DLGAP1: variants seen among roughly 807,000 people sequenced by gnomAD.
DLGAP1 encodes the protein disks large-associated protein 1.
DLGAP1 carries 11 observed loss-of-function variants against 90.8 expected under a neutral mutation model. That is an observed-to-expected ratio of 0.12 (90% CI 0.08 to 0.20). The LOEUF (loss-of-function observed/expected upper bound fraction) is 0.20. DLGAP1 is among the 10% of genes least tolerant of loss of function. The pLI is 1.00. For missense variants in DLGAP1, 1,050 were observed against 1,333.8 expected, an observed-to-expected ratio of 0.79 and a Z score of 3.31; for synonymous variants, 558 against 540.7, an observed-to-expected ratio of 1.03 and a Z score of -0.44.
Position 4,227,252 on chromosome 18 carries a change from T to C in DLGAP1, c.-266-75965A>G, listed in dbSNP as rs541518713. On this transcript the variant is annotated intron_variant, in intron 1 of 12. Transcript: ENST00000315677. The stretch of plus-strand genomic sequence containing the variant: ...AGAGAGGTAGACCCCTATACATTAA[T>C]AGAAGAAGACTTTAGCACCCCACTT... Among the ~76,000 whole-genome samples, 54 of 152,146 alleles carry C rather than the reference T, an allele frequency of 3.5e-4. 1 individual carries two copies. Among genetic ancestry groups the C allele is most frequent in the Admixed American group, 2.9e-3 (45 of 15,270 alleles).
chr18:3,636,234 T>G (rs1299166897), intron 7 of DLGAP1, among the ~76,000 whole-genome samples: 1 of 151,378 alleles, frequency 6.6e-6, no homozygotes, highest in Non-Finnish European at 1.5e-5. Flanking sequence ...CTAGGTTATC[T>G]GCTTTGTCCT....
At chr18:3,797,897 A>G (rs1047821658) in intron 5 of DLGAP1, among the ~76,000 whole-genome samples, 1 of 152,180 alleles carries the variant, frequency 6.6e-6, no homozygotes, top group East Asian at 1.9e-4. Flanking sequence ...TAATTGAATC[A>G]TGAGGGCAGG....
At chr18:4,120,014 G>C (rs1390426489) in intron 2 of DLGAP1, among the ~76,000 whole-genome samples, 1 of 152,152 alleles carries the variant, frequency 6.6e-6, no homozygotes, top group Non-Finnish European at 1.5e-5. Context: ...GAGGGGGCTG[G>C]CTGAATTAAT....
chr18:4,357,534 G>A (rs1447701612), intron 1 of DLGAP1, among the ~76,000 whole-genome samples: 14 of 152,180 alleles, frequency 9.2e-5, no homozygotes. Context: ...GAACACAGAA[G>A]ATAAGTCAAT....
intron 1 of DLGAP1, among the ~76,000 whole-genome samples, chr18:4,262,152 C>T (rs1202663107): frequency 6.6e-6 from 1 of 152,144 alleles, no homozygotes; most frequent in African/African-American, 2.4e-5. Flanking sequence ...CATCCATAGC[C>T]ATGTAGTTCT....
intron 1 of DLGAP1, among the ~76,000 whole-genome samples, chr18:4,413,264 T>C (rs762686483): frequency 6.6e-6 from 1 of 152,104 alleles, no homozygotes; most frequent in Non-Finnish European, 1.5e-5. Context: ...TAGGGATTCA[T>C]TCCACTCCCT....
intron 3 of DLGAP1, among the ~76,000 whole-genome samples, chr18:3,959,588 C>T (rs553582208): frequency 4.3e-4 from 66 of 151,866 alleles, no homozygotes; most frequent in African/African-American, 1.5e-3. Context: ...CGCTTGAACC[C>T]GGGAGGTGGA....
chr18:3,504,900 G>A (rs1193986582), intron 11 of DLGAP1, among the ~76,000 whole-genome samples: 2 of 152,192 alleles, frequency 1.3e-5, no homozygotes, highest in Non-Finnish European at 2.9e-5. Flanking sequence ...GGAGACCAGA[G>A]GTGGGTGCTG....
intron 2 of DLGAP1, among the ~76,000 whole-genome samples, chr18:4,122,198 A>T (rs998854774): frequency 6.6e-6 from 1 of 152,196 alleles, no homozygotes; most frequent in Non-Finnish European, 1.5e-5. Context: ...CTTTGCTTTC[A>T]GTGTATTTAT....
rs576788712 is a variant in DLGAP1 at position 3,803,335 on chromosome 18, C to T, written c.1172+10724G>A. On this transcript the variant is annotated intron_variant, in intron 5 of 12. Coordinates refer to ENST00000315677, the MANE Select transcript of DLGAP1 (RefSeq NM_004746.4). ...TTTCTTCACTGAGTGGAGAAGGCGACGACAATGGAAAGTGCTCCCAGCTTG... is the reference window on the plus strand; with the variant it reads ...TTTCTTCACTGAGTGGAGAAGGCGATGACAATGGAAAGTGCTCCCAGCTTG... 7.9e-4 allele frequency among the ~76,000 whole-genome samples: 121 copies of T among 152,238 alleles called. 1 individual carries two copies. Among genetic ancestry groups the T allele is most frequent in the African/African-American group, 2.8e-3 (118 of 41,550 alleles).
intron 1 of DLGAP1, among the ~76,000 whole-genome samples, chr18:4,321,467 C>T (rs1046540382): frequency 2.6e-5 from 4 of 152,200 alleles, no homozygotes; most frequent in African/African-American, 9.6e-5. Flanking sequence ...ACCAGAGTGG[C>T]TTCACATAGT....
At chr18:4,093,032 C>T (rs1302590213) in intron 2 of DLGAP1, among the ~76,000 whole-genome samples, 4 of 152,194 alleles carry the variant, frequency 2.6e-5, no homozygotes, top group South Asian at 4.1e-4. Flanking sequence ...TACTTGTTTA[C>T]GTGTGACCTC....
At position 4,114,056 on chromosome 18, in the gene DLGAP1, C is replaced by CT. The variant is rs58180172; in HGVS notation, c.-159+37123dup. On this transcript the variant is annotated intron_variant, in intron 2 of 12. Coordinates refer to ENST00000315677, the MANE Select transcript of DLGAP1 (RefSeq NM_004746.4). ...AAGTTGAGTAATGTGATGCCTCTGG[C>CT]TTTTTTTTTTTTTTTTTTTTGGTTT... Among the ~76,000 whole-genome samples, 657 of 106,716 alleles carry CT rather than the reference C, an allele frequency of 6.2e-3. 1 individual carries two copies. Among genetic ancestry groups the CT allele is most frequent in the East Asian group, 0.01 (35 of 3,334 alleles). The allele number at this position is 106,716 out of a possible 152,430, so 70.0% of individuals were successfully genotyped here. A position where few individuals can be genotyped will look rare whatever the true frequency, so the allele number is the denominator to read the frequency against.
intron 7 of DLGAP1, among the ~76,000 whole-genome samples, chr18:3,608,666 C>G (rs999046817): frequency 2.6e-5 from 4 of 152,154 alleles, no homozygotes; most frequent in Non-Finnish European, 4.4e-5. Context: ...AGGGAATGCT[C>G]TGACCTATCT....
chr18:3,765,126 TTTTC>T (rs1335316134), intron 5 of DLGAP1, among the ~76,000 whole-genome samples: 2,362 of 133,980 alleles, frequency 0.018, 298 homozygotes, highest in East Asian at 0.15. Context: ...ACTTTTTTTT[TTTTC>T]TTTTTTTTTT....
At chr18:4,199,935 T>G (rs533991698) in intron 1 of DLGAP1, among the ~76,000 whole-genome samples, 1 of 152,224 alleles carries the variant, frequency 6.6e-6, no homozygotes, top group East Asian at 1.9e-4. Context: ...CATTTCAATG[T>G]ATTTTTCACT....
chr18:4,009,887 GGAGAA>G (rs910418740), intron 2 of DLGAP1, among the ~76,000 whole-genome samples: 6 of 152,182 alleles, frequency 3.9e-5, no homozygotes, highest in Admixed American at 2.0e-4. Flanking sequence ...GGGAGGTAGA[GGAGAA>G]GAGAAGAGCT....
chr18:4,068,722 A>T (rs2075404806), intron 2 of DLGAP1, among the ~76,000 whole-genome samples: 1 of 152,224 alleles, frequency 6.6e-6, no homozygotes, highest in Non-Finnish European at 1.5e-5. Context: ...CAGCTAGGTT[A>T]GCCGGTTCTT....
intron 5 of DLGAP1, among the ~76,000 whole-genome samples, chr18:3,760,496 C>T (rs1475445721): frequency 6.6e-6 from 1 of 152,162 alleles, no homozygotes. Flanking sequence ...TTATTGCCAG[C>T]TGGCTGGGGA....
Sources: allele counts gnomAD v4.1 joint callset (sites outside exome capture counted in the v4.1 genomes callset), GRCh38; gene constraint gnomAD v4.1.1; transcripts MANE v1.5; gene names NCBI Gene and HGNC (gene_info 2026-07-23, HGNC 2026-07-21).